The following CAMKMT variants were observed in gnomAD, a reference collection of about 807,000 sequenced individuals.
CAMKMT encodes CaM KMT.
In CAMKMT, 53 loss-of-function variants were observed where a neutral mutation model predicts 48.0. The observed-to-expected ratio is 1.10, with a 90% CI of 0.89 to 1.39. CAMKMT has a LOEUF of 1.39. Ranked by LOEUF, CAMKMT falls within the 40% of genes most tolerant of loss-of-function variation. The pLI, the probability that CAMKMT is intolerant of heterozygous loss-of-function variation, is 0.00. For missense variants in CAMKMT, 428 were observed against 402.7 expected (o/e 1.06, Z -0.54); for synonymous variants, 165 against 152.3 (o/e 1.08, Z -0.61).
chr2:44,685,017 G>T (rs41531045), intron 3 of CAMKMT, among the ~76,000 whole-genome samples: 2 of 151,890 alleles, frequency 1.3e-5, no homozygotes, highest in African/African-American at 4.8e-5. Flanking sequence ...AGAACAATTC[G>T]TTGCTATTCT....
chr2:44,475,993 T>C (rs1668670260), intron 3 of CAMKMT, among the ~76,000 whole-genome samples: 1 of 152,232 alleles, frequency 6.6e-6, no homozygotes, highest in Non-Finnish European at 1.5e-5. Context: ...ATAAATACCA[T>C]TGCATTTGAT....
chr2:44,626,734 C>G (rs1177752596), intron 3 of CAMKMT, among the ~76,000 whole-genome samples: 1 of 152,146 alleles, frequency 6.6e-6, no homozygotes, highest in East Asian at 1.9e-4. Flanking sequence ...CTCCTAAACT[C>G]ATCATTTTGG....
At chr2:44,490,700 A>G (rs992628613) in intron 3 of CAMKMT, among the ~76,000 whole-genome samples, 7 of 152,232 alleles carry the variant, frequency 4.6e-5, no homozygotes, top group Non-Finnish European at 7.3e-5. Context: ...GCAGTATTTT[A>G]CTAGATGAAC....
intron 3 of CAMKMT, among the ~76,000 whole-genome samples, chr2:44,408,670 G>A (rs1159412635): frequency 6.6e-6 from 1 of 151,932 alleles, no homozygotes; most frequent in Non-Finnish European, 1.5e-5. Context: ...TGCCTCCCAA[G>A]ACTCAGATAT....
chr2:44,768,374 T>G (rs1304319296), intron 10 of CAMKMT, among the ~76,000 whole-genome samples: 1 of 147,340 alleles, frequency 6.8e-6, no homozygotes, highest in African/African-American at 2.5e-5. Context: ...TTTTTTTTTT[T>G]TTTAATAATG....
chr2:44,496,396 G>A (rs1458974882), intron 3 of CAMKMT, among the ~76,000 whole-genome samples: 1 of 152,150 alleles, frequency 6.6e-6, no homozygotes, highest in Non-Finnish European at 1.5e-5. Context: ...AAAGAAACAC[G>A]GGCACCCTAT....
intron 3 of CAMKMT, among the ~76,000 whole-genome samples, chr2:44,629,541 C>A (rs1487174126): frequency 6.6e-6 from 1 of 150,808 alleles, no homozygotes; most frequent in Admixed American, 6.6e-5. Flanking sequence ...ATGGCTCAAG[C>A]AATCCTCCCA....
chr2:44,415,247 T>C (rs188726291), intron 3 of CAMKMT, among the ~76,000 whole-genome samples: 1 of 152,376 alleles, frequency 6.6e-6, no homozygotes, highest in East Asian at 1.9e-4. Context: ...ACTGAGTTAC[T>C]AAAAGATTTC....
chr2:44,552,187 A>G (rs1413851877), intron 3 of CAMKMT, among the ~76,000 whole-genome samples: 2 of 152,084 alleles, frequency 1.3e-5, no homozygotes, highest in Non-Finnish European at 2.9e-5. Context: ...GCCCATAGGT[A>G]TGCATTATTT....
chr2:44,591,196 C>T (rs1287595131), intron 3 of CAMKMT, among the ~76,000 whole-genome samples: 9 of 150,352 alleles, frequency 6.0e-5, no homozygotes, highest in East Asian at 1.9e-4. Context: ...GTGATGCCTC[C>T]AGCTTTGTTC....
chr2:44,639,153 A>G (rs1673310120), intron 3 of CAMKMT, among the ~76,000 whole-genome samples: 1 of 152,206 alleles, frequency 6.6e-6, no homozygotes, highest in Non-Finnish European at 1.5e-5. Flanking sequence ...GGGTATATTG[A>G]CAAAGCTAGC....
At chr2:44,737,455 A>G (rs1004405800) in intron 7 of CAMKMT, among the ~76,000 whole-genome samples, 1 of 152,116 alleles carries the variant, frequency 6.6e-6, no homozygotes, top group Non-Finnish European at 1.5e-5. Flanking sequence ...TCTTGCTTTT[A>G]AGATTTGTTA....
At chr2:44,409,115 A>T (rs1291020863) in intron 3 of CAMKMT, among the ~76,000 whole-genome samples, 1 of 3,928 alleles carries the variant, frequency 2.5e-4, no homozygotes, top group African/African-American at 8.0e-4. Context: ...ATATATATAT[A>T]TATATATATA....
intron 7 of CAMKMT, among the ~76,000 whole-genome samples, chr2:44,726,899 G>A (rs549665559): frequency 7.9e-5 from 12 of 152,184 alleles, no homozygotes; most frequent in Middle Eastern, 3.4e-3. Flanking sequence ...GCTTGTTTTT[G>A]TCAGCTTTGT....
chr2:44,733,604 A>C (rs943429219), intron 7 of CAMKMT, among the ~76,000 whole-genome samples: 1 of 152,174 alleles, frequency 6.6e-6, no homozygotes, highest in East Asian at 1.9e-4. Flanking sequence ...CAGGCCAAAG[A>C]ATTTCCTTTC....
chr2:44,556,846 A>T (rs1195157741), intron 3 of CAMKMT, among the ~76,000 whole-genome samples: 1 of 151,728 alleles, frequency 6.6e-6, no homozygotes, highest in African/African-American at 2.4e-5. Flanking sequence ...GGGAGGCCGA[A>T]GCAGGAGGAT....
At chr2:44,708,211 ATT>A (rs59281575) in intron 6 of CAMKMT, among the ~76,000 whole-genome samples, 8 of 68,192 alleles carry the variant, frequency 1.2e-4, no homozygotes, top group East Asian at 5.5e-4. Flanking sequence ...TTTGCTTTGG[ATT>A]TTTTTTTTTT....
chr2:44,366,329 C>T (rs1678587993), intron 1 of CAMKMT, among the ~76,000 whole-genome samples: 1 of 152,188 alleles, frequency 6.6e-6, no homozygotes, highest in Non-Finnish European at 1.5e-5. Flanking sequence ...TTGATCCAGT[C>T]CTAGGTCTAC....
chr2:44,683,433 G>A (rs1398013649), intron 3 of CAMKMT, among the ~76,000 whole-genome samples: 10 of 152,236 alleles, frequency 6.6e-5, no homozygotes, highest in Admixed American at 2.6e-4. Flanking sequence ...GCCCAAACTC[G>A]GTCATTAACT....
Sources: gnomAD v4.1 joint callset for allele counts (sites outside exome capture counted in the v4.1 genomes callset) on GRCh38, gnomAD v4.1.1 for gene constraint, MANE v1.5 for transcripts, NCBI Gene and HGNC (gene_info 2026-07-23, HGNC 2026-07-21) for gene names.